KANK1: variants seen among roughly 807,000 people sequenced by gnomAD.
KANK1 encodes KN motif and ankyrin repeat domains 1, also known as KN motif and ankyrin repeat domain-containing protein 1.
KANK1 carries 109 observed loss-of-function variants against 106.2 expected under a neutral mutation model. The ratio of observed to expected loss-of-function variants is 1.03; its 90% CI spans 0.88 to 1.20. KANK1 has a LOEUF of 1.20. KANK1 is among the 50% of genes most tolerant of loss of function. KANK1 has a pLI of 0.00. For synonymous variants in KANK1, 873 were observed against 652.2 expected (o/e 1.34, Z -5.16); for missense variants, 2,399 against 1,710.7 (o/e 1.40, Z -7.10).
chr9:607,078 G>T (rs891509338), intron 1 of KANK1, among the ~76,000 whole-genome samples: 12 of 151,780 alleles, frequency 7.9e-5, no homozygotes, highest in African/African-American at 2.9e-4. Context: ...CAGGGTCTTA[G>T]ACTAGTAATT....
chr9:508,510 C>T (rs762980308), intron 1 of KANK1, among the ~76,000 whole-genome samples: 4 of 152,202 alleles, frequency 2.6e-5, no homozygotes, highest in African/African-American at 7.2e-5. Flanking sequence ...CAAGTACTCA[C>T]GGAAAGAACC....
intron 1 of KANK1, among the ~76,000 whole-genome samples, chr9:554,483 G>A (rs1262747649): frequency 1.3e-5 from 2 of 152,144 alleles, no homozygotes; most frequent in South Asian, 2.1e-4. Context: ...TGCGGTTTGT[G>A]GCCAGTGCTT....
chr9:508,757 C>G (rs2058892623), intron 1 of KANK1, among the ~76,000 whole-genome samples: 1 of 151,962 alleles, frequency 6.6e-6, no homozygotes, highest in Non-Finnish European at 1.5e-5. Context: ...GTGTAATATT[C>G]AATTGTATGA....
At chr9:736,160 G>A (rs13287523) in intron 7 of KANK1, among the ~76,000 whole-genome samples, 41,418 of 151,982 alleles carry the variant, frequency 0.27, 6,347 homozygotes, top group Non-Finnish European at 0.36. Flanking sequence ...GGGTTTCACC[G>A]TGTTAGTCAG....
At chr9:560,642 G>A (rs914777198) in intron 1 of KANK1, among the ~76,000 whole-genome samples, 30 of 152,324 alleles carry the variant, frequency 2.0e-4, no homozygotes, top group African/African-American at 7.0e-4. Context: ...CAGATAAAAT[G>A]TTTGAGTAGC....
intron 1 of KANK1, among the ~76,000 whole-genome samples, chr9:562,971 C>T (rs559179915): frequency 6.6e-6 from 1 of 152,158 alleles, no homozygotes; most frequent in Non-Finnish European, 1.5e-5. Context: ...GGAGTAAGTA[C>T]TGCTATTCAT....
intron 1 of KANK1, among the ~76,000 whole-genome samples, chr9:524,621 G>A (rs541639757): frequency 4.0e-5 from 6 of 151,288 alleles, no homozygotes; most frequent in Non-Finnish European, 7.4e-5. Flanking sequence ...AGGTTCAAGC[G>A]ATTCTTTTGC....
At chr9:653,374 C>G (rs2137663129) in intron 1 of KANK1, among the ~76,000 whole-genome samples, 1 of 152,178 alleles carries the variant, frequency 6.6e-6, no homozygotes, top group Admixed American at 6.5e-5. Flanking sequence ...CCAGTTCTCA[C>G]AAGCAGTTTT....
At chr9:582,062 C>T (rs1822298726) in intron 1 of KANK1, among the ~76,000 whole-genome samples, 1 of 152,148 alleles carries the variant, frequency 6.6e-6, no homozygotes, top group African/African-American at 2.4e-5. Flanking sequence ...TGGAACTCCC[C>T]CTGCCCCAGA....
intron 1 of KANK1, among the ~76,000 whole-genome samples, chr9:591,204 G>A (rs1217548760): frequency 6.6e-6 from 1 of 151,698 alleles, no homozygotes; most frequent in African/African-American, 2.4e-5. Flanking sequence ...ATAAAAGTAT[G>A]TTAGTTGTTT....
At chr9:676,173 A>G (rs1175538145) in intron 1 of KANK1, among the ~76,000 whole-genome samples, 1 of 152,130 alleles carries the variant, frequency 6.6e-6, no homozygotes, top group Non-Finnish European at 1.5e-5. Flanking sequence ...GACCTGTCTC[A>G]TCCTGTGACT....
At position 711,145 on chromosome 9, in the gene KANK1, A is replaced by G; in HGVS notation, c.379A>G (p.Thr127Ala). The change falls in exon 3 of 12, where the codon ACC becomes GCC. Residue 127 changes from threonine (T) to alanine (A), a missense_variant. Thr to Ala is a moderately conservative substitution (Grantham distance 58, BLOSUM62 0). Transcript: ENST00000382297. ...CTCAAAGCCACCTCCCCCTCTGGAG[A>G]CCTCACTCCCTTTTCTTACCATCCC... ...PISKPPPPLE[T>A]SLPFLTIPEN... 6.2e-7 allele frequency: 1 copy of G among 1,614,024 alleles called. No homozygotes were observed. The highest frequency in any genetic ancestry group is 8.5e-7 in the Non-Finnish European group (1 of 1,180,006).
chr9:565,211 C>G (rs1024502027), intron 1 of KANK1, among the ~76,000 whole-genome samples: 1 of 152,214 alleles, frequency 6.6e-6, no homozygotes, highest in Non-Finnish European at 1.5e-5. Context: ...CTGTTAAGAT[C>G]TTTCCCACCC....
intron 2 of KANK1, chr9:684,398 A>G (rs1818146725): frequency 3.0e-6 from 3 of 985,240 alleles, no homozygotes; most frequent in Non-Finnish European, 3.6e-6. Context: ...TGCCAACAAG[A>G]AAGAAAGAAA....
chr9:694,986 C>G (rs1820885498), intron 2 of KANK1, among the ~76,000 whole-genome samples: 1 of 152,148 alleles, frequency 6.6e-6, no homozygotes, highest in Non-Finnish European at 1.5e-5. Flanking sequence ...TACTCATAGC[C>G]TGGAAGCAAC....
In KANK1 at chr9:711,500, G is replaced by A. The variant is rs758468346; in HGVS notation, c.734G>A (p.Ser245Asn). 3.1e-6 allele frequency: 5 copies of A among 1,613,952 alleles called. No homozygotes were observed. In the African/African-American group the frequency reaches 6.7e-5, roughly 22 times the overall value. Residue 245 changes from serine (S) to asparagine (N), a missense_variant, in exon 3 of 12, where the codon AGC becomes AAC. Coordinates refer to ENST00000382297, the MANE Select transcript of KANK1 (RefSeq NM_015158.5). ...MGSSIRHSPL[S>N]SGISTPVTNV... is the part of the protein sequence containing the mutation. Reference sequence around the variant, plus strand: ...AGCTCCATCCGCCACAGCCCCCTGAGCTCAGGGATCTCCACCCCAGTGACC... The same window carrying A: ...AGCTCCATCCGCCACAGCCCCCTGAACTCAGGGATCTCCACCCCAGTGACC...
intron 1 of KANK1, among the ~76,000 whole-genome samples, chr9:525,543 C>A (rs1056089157): frequency 6.6e-6 from 1 of 150,856 alleles, no homozygotes; most frequent in Non-Finnish European, 1.5e-5. Flanking sequence ...CCATGCCCTG[C>A]TAATTTTTGT....
intron 1 of KANK1, among the ~76,000 whole-genome samples, chr9:536,160 A>T (rs2060287960): frequency 6.6e-6 from 1 of 152,150 alleles, no homozygotes; most frequent in African/African-American, 2.4e-5. Flanking sequence ...TAACATGGTG[A>T]AACTCTGTCT....
At chr9:531,117 G>C (rs1450857689) in intron 1 of KANK1, among the ~76,000 whole-genome samples, 2 of 152,016 alleles carry the variant, frequency 1.3e-5, no homozygotes, top group Non-Finnish European at 2.9e-5. Context: ...TCCAATGAGG[G>C]GGAAACAGAT....
Sources: allele counts gnomAD v4.1 joint callset (sites outside exome capture counted in the v4.1 genomes callset), GRCh38; gene constraint gnomAD v4.1.1; transcripts MANE v1.5; gene names NCBI Gene and HGNC (gene_info 2026-07-23, HGNC 2026-07-21).